The following CEP41 variants were observed in gnomAD, a reference collection of about 807,000 sequenced individuals.
CEP41 encodes centrosomal protein of 41 kDa.
CEP41 carries 32 observed loss-of-function variants against 44.3 expected under a neutral mutation model. The ratio of observed to expected loss-of-function variants is 0.72; its 90% CI spans 0.54 to 0.97. CEP41 has a LOEUF of 0.97. CEP41 is among the 50% of genes least tolerant of loss of function. CEP41 has a pLI of 0.00. For synonymous variants in CEP41, 151 were observed against 168.5 expected, an observed-to-expected ratio of 0.90 and a Z score of 0.80; for missense variants, 432 against 455.2, an observed-to-expected ratio of 0.95 and a Z score of 0.46.
At chr7:130,438,370 G>A (rs1008959617) in intron 1 of CEP41, among the ~76,000 whole-genome samples, 3 of 152,072 alleles carry the variant, frequency 2.0e-5, no homozygotes, top group Non-Finnish European at 2.9e-5. Context: ...ACCAGACTGG[G>A]CAACATGGTA....
At chr7:130,412,398 A>G (rs1797210732) in intron 3 of CEP41, among the ~76,000 whole-genome samples, 158 bp from the exon 4 acceptor site, 1 of 152,192 alleles carries the variant, frequency 6.6e-6, no homozygotes, top group African/African-American at 2.4e-5. Flanking sequence ...TGTGGCAGGT[A>G]GTAGTATCAT....
upstream of CEP41, chr7:130,441,292 G>A (rs1369260139): frequency 8.7e-6 from 4 of 458,274 alleles, no homozygotes; most frequent in South Asian, 2.0e-5. Flanking sequence ...CGCAAAGCCG[G>A]GGGCGGGGGC....
Position 130,396,318 on chromosome 7 carries a change from C to A in CEP41, c.*2573G>T, listed in dbSNP as rs1562972650. ...TTGTTGAAGGTGGCTTCAGTCCCAG[C>A]CTGAGCAGGAAAAGAAATCCAGGCT... On this transcript the variant is annotated 3_prime_UTR_variant, in exon 11 of 11. Transcript: ENST00000223208. 2.2e-6 allele frequency: 1 copy of A among 454,066 alleles called. No individual in the cohort carries two copies. Among genetic ancestry groups the A allele is most frequent in the East Asian group, 6.9e-5 (1 of 14,400 alleles). The allele number at this position is 454,066 out of a possible 1,614,324, so 28.1% of individuals were successfully genotyped here.
At chr7:130,407,103 C>G (rs1797035338) in intron 5 of CEP41, among the ~76,000 whole-genome samples, 1 of 151,770 alleles carries the variant, frequency 6.6e-6, no homozygotes, top group Non-Finnish European at 1.5e-5. Flanking sequence ...TAAAGAAGAC[C>G]TCAATGAAGA....
At chr7:130,413,210 C>T (rs1220304183) in intron 3 of CEP41, among the ~76,000 whole-genome samples, 3 of 152,110 alleles carry the variant, frequency 2.0e-5, no homozygotes, top group East Asian at 1.9e-4. Context: ...AGGCTGGTTT[C>T]GAGCTCCTGG....
chr7:130,416,562 A>C (rs782093765), intron 3 of CEP41, among the ~76,000 whole-genome samples: 15 of 152,270 alleles, frequency 9.9e-5, no homozygotes, highest in Non-Finnish European at 1.9e-4. Context: ...TATCTCAAAT[A>C]GAGACAAAAT....
intron 3 of CEP41, among the ~76,000 whole-genome samples, chr7:130,412,592 T>C (rs1797216906): frequency 6.6e-6 from 1 of 152,206 alleles, no homozygotes; most frequent in Admixed American, 6.5e-5. Context: ...TCAAATCCTT[T>C]TCAGAGTAAA....
intron 2 of CEP41, among the ~76,000 whole-genome samples, chr7:130,418,377 T>G (rs188463366): frequency 2.0e-5 from 3 of 152,360 alleles, no homozygotes; most frequent in Non-Finnish European, 4.4e-5. Context: ...AATTTCTTCC[T>G]GGACACACAT....
At chr7:130,407,797 C>T (rs1034857753) in intron 5 of CEP41, among the ~76,000 whole-genome samples, 14 of 151,742 alleles carry the variant, frequency 9.2e-5, no homozygotes, top group Non-Finnish European at 1.9e-4. Flanking sequence ...TAAAAGAAAA[C>T]AATAGTACAG....
chr7:130,412,365 C>T, intron 3 of CEP41, 125 bp from the exon 4 acceptor site: 1 of 632,706 alleles, frequency 1.6e-6, no homozygotes, highest in South Asian at 1.8e-5. Context: ...TCATTTGAGC[C>T]TCATGATATC....
intron 5 of CEP41, among the ~76,000 whole-genome samples, chr7:130,406,597 A>C (rs1797017288): frequency 6.6e-6 from 1 of 152,130 alleles, no homozygotes; most frequent in Admixed American, 6.5e-5. Flanking sequence ...AAAATAAATA[A>C]ATAAAAATAA....
In CEP41 at chr7:130,398,650, A is replaced by T. The variant is rs1796745856; in HGVS notation, c.*241T>A. The T allele has an allele frequency of 1.4e-6, 1 of 697,736 alleles. No homozygotes were observed. Among genetic ancestry groups the T allele is most frequent in the Non-Finnish European group, 2.6e-6 (1 of 381,708 alleles). 43.2% of individuals were successfully genotyped at this position (697,736 alleles called of 1,614,324 possible). A position where few individuals can be genotyped will look rare whatever the true frequency, so the allele number is the denominator to read the frequency against. ...TTCACAAGACTTAAATATGCTGTAAACAACAGGGAGGAGACTAGAGCCTGT... is the reference window on the plus strand; with the variant it reads ...TTCACAAGACTTAAATATGCTGTAATCAACAGGGAGGAGACTAGAGCCTGT... On this transcript the variant is annotated 3_prime_UTR_variant, in exon 11 of 11. Transcript: ENST00000223208.
intron 2 of CEP41, chr7:130,419,905 T>C (rs1317574957): frequency 1.3e-5 from 13 of 985,346 alleles, no homozygotes; most frequent in Non-Finnish European, 1.6e-5. Context: ...TGTATTGTCT[T>C]ACCTACCTTA....
chr7:130,414,381 C>T (rs1797274060), intron 3 of CEP41, among the ~76,000 whole-genome samples: 1 of 152,226 alleles, frequency 6.6e-6, no homozygotes, highest in South Asian at 2.1e-4. Flanking sequence ...TTGCCACCAA[C>T]TTGCCCACCA....
intron 2 of CEP41, among the ~76,000 whole-genome samples, chr7:130,427,589 C>T (rs1554423990): frequency 6.6e-6 from 1 of 152,170 alleles, no homozygotes; most frequent in African/African-American, 2.4e-5. Context: ...ATGCATGTGT[C>T]TAATCCGTTA....
chr7:130,409,509 T>C (rs892262675), intron 5 of CEP41, among the ~76,000 whole-genome samples: 5 of 152,230 alleles, frequency 3.3e-5, no homozygotes, highest in African/African-American at 1.2e-4. Context: ...TAAATTCCTG[T>C]CGTTTTCAGA....
At chr7:130,425,149 G>A (rs1797623109) in intron 2 of CEP41, among the ~76,000 whole-genome samples, 2 of 152,190 alleles carry the variant, frequency 1.3e-5, no homozygotes, top group South Asian at 4.1e-4. Flanking sequence ...GCAATGGGCT[G>A]GGTGCGGTGG....
rs1314695210 is a variant in CEP41, at chr7:130,394,574, G to A, written c.*4317C>T. On this transcript the variant is annotated 3_prime_UTR_variant, in exon 11 of 11. Coordinates refer to ENST00000223208, the MANE Select transcript of CEP41 (RefSeq NM_018718.3). ...TAATAACACCCCCAGCAGCTCTCTG[G>A]GTACTTCCTGTAGAGGGAGATCTAA... is the stretch of plus-strand genomic sequence containing the variant. The A allele has an allele frequency of 2.2e-6, 1 of 453,864 alleles. No homozygotes were observed. Among genetic ancestry groups the A allele is most frequent in the African/African-American group, 2.0e-5 (1 of 49,970 alleles). 28.1% of individuals were successfully genotyped at this position (453,864 alleles called of 1,614,324 possible). A position where few individuals can be genotyped will look rare whatever the true frequency, so the allele number is the denominator to read the frequency against.
At chr7:130,422,492 T>C (rs781841702) in intron 2 of CEP41, among the ~76,000 whole-genome samples, 1 of 152,148 alleles carries the variant, frequency 6.6e-6, no homozygotes, top group African/African-American at 2.4e-5. Context: ...CCAGGCCCTG[T>C]TGGCTAAAGG....
Sources: allele counts gnomAD v4.1 joint callset (sites outside exome capture counted in the v4.1 genomes callset), GRCh38; gene constraint gnomAD v4.1.1; transcripts MANE v1.5; gene names NCBI Gene and HGNC (gene_info 2026-07-23, HGNC 2026-07-21).